VRK3: variants seen among roughly 807,000 people sequenced by gnomAD.
VRK3 encodes VRK serine/threonine kinase 3.
VRK3 carries 50 observed loss-of-function variants against 60.4 expected under a neutral mutation model. That is an observed-to-expected ratio of 0.83 (90% CI 0.66 to 1.05). The LOEUF is 1.05. Among genes scored for constraint, VRK3 ranks in the 50% least tolerant of loss-of-function variants. VRK3 has a pLI of 0.00. For missense variants in VRK3, 549 were observed against 585.3 expected (o/e 0.94, Z 0.64); for synonymous variants, 246 against 227.8 (o/e 1.08, Z -0.72).
chr19:49,980,722 T>TA (rs111476208), intron 13 of VRK3, among the ~76,000 whole-genome samples: 8,175 of 145,432 alleles, frequency 0.056, 694 homozygotes, highest in African/African-American at 0.19. Context: ...GTCTTAAAAA[T>TA]AAAAAAAAAA....
chr19:50,007,950 G>A, intron 4 of VRK3, 124 bp from the exon 5 acceptor site: 1 of 1,359,558 alleles, frequency 7.4e-7, no homozygotes, highest in South Asian at 1.4e-5. Flanking sequence ...CATTTCCTGG[G>A]ACCTTCTATG....
chr19:49,988,250 A>C (rs2076550957), intron 12 of VRK3, 122 bp downstream of exon 12: 1 of 1,440,958 alleles, frequency 6.9e-7, no homozygotes, highest in Middle Eastern at 2.1e-4. Flanking sequence ...GGCTCAGAGG[A>C]CTTGGGCTCT....
intron 12 of VRK3, chr19:49,981,228 G>A (rs942798810): frequency 1.0e-5 from 6 of 590,206 alleles, no homozygotes; most frequent in Non-Finnish European, 1.5e-5. Flanking sequence ...GCAAGCCTCT[G>A]GCCACACGAT....
chr19:49,993,003 A>G (rs1429778450), intron 9 of VRK3, 51 bp from the exon 10 acceptor site: 1 of 1,528,080 alleles, frequency 6.5e-7, no homozygotes, highest in East Asian at 2.3e-5. Context: ...ACTAACACAG[A>G]GAGGCTATGG....
At chr19:49,988,532 C>T (rs201447383) in intron 11 of VRK3, 40 bp from the exon 12 acceptor site, 78 of 1,602,380 alleles carry the variant, frequency 4.9e-5, no homozygotes, top group East Asian at 6.7e-5. Context: ...CAAGTCTGGA[C>T]GCTCCACTCA....
chr19:49,993,656 T>C (rs554521630), intron 9 of VRK3, among the ~76,000 whole-genome samples: 21 of 152,234 alleles, frequency 1.4e-4, no homozygotes, highest in African/African-American at 4.6e-4. Flanking sequence ...TGCCTCGTCC[T>C]CCCAAAGTGC....
intron 1 of VRK3, among the ~76,000 whole-genome samples, chr19:50,024,577 T>C (rs995939524): frequency 4.7e-4 from 72 of 152,212 alleles, no homozygotes; most frequent in African/African-American, 1.7e-3. Context: ...CTGGGCAGGA[T>C]TTTTGTTTTA....
intron 14 of VRK3, 194 bp downstream of exon 14, chr19:49,978,889 G>A: frequency 2.1e-6 from 1 of 486,108 alleles, no homozygotes; most frequent in Non-Finnish European, 3.5e-6. Flanking sequence ...GCCAAGTTGA[G>A]CCGGGTTTCT....
chr19:50,001,752 C>T (rs769568989), intron 5 of VRK3, among the ~76,000 whole-genome samples: 36 of 143,676 alleles, frequency 2.5e-4, no homozygotes, highest in South Asian at 8.6e-4. Context: ...GGCCAAGAAA[C>T]GCCAGGCTGA....
intron 1 of VRK3, among the ~76,000 whole-genome samples, chr19:50,022,596 G>A (rs1006668067): frequency 6.6e-6 from 1 of 151,828 alleles, no homozygotes; most frequent in African/African-American, 2.4e-5. Context: ...GACCAGCCTG[G>A]ACAACATGGT....
At chr19:49,987,699 G>GTTTTTTTTT (rs2076539833) in intron 12 of VRK3, 1 of 123,946 alleles carries the variant, frequency 8.1e-6, no homozygotes, top group African/African-American at 3.6e-5. Context: ...CACACAATGA[G>GTTTTTTTTT]CTTTTTTTTT....
chr19:49,987,373 C>A (rs567055517), intron 12 of VRK3, among the ~76,000 whole-genome samples: 1 of 152,332 alleles, frequency 6.6e-6, no homozygotes. Flanking sequence ...CACCTTAGTG[C>A]CTCCCTTTTG....
At position 50,000,873 on chromosome 19, in the gene VRK3, G is replaced by C; in HGVS notation, c.548-19C>G. On this transcript the variant is annotated intron_variant, in intron 5 of 14. Transcript: ENST00000316763. ...GGTGCAGCTGTGGGGGAACAAACAAGGGAGTGAGGTTATAACCACGCGGAA... is the reference window on the plus strand; with the variant it reads ...GGTGCAGCTGTGGGGGAACAAACAACGGAGTGAGGTTATAACCACGCGGAA... 9 of 1,612,434 alleles carry C rather than the reference G, an allele frequency of 5.6e-6. No homozygotes were observed. Among genetic ancestry groups the C allele is most frequent in the Non-Finnish European group, 6.8e-6 (8 of 1,179,158 alleles).
intron 7 of VRK3, among the ~76,000 whole-genome samples, chr19:49,996,765 C>T (rs1568790509): frequency 6.6e-6 from 1 of 151,466 alleles, no homozygotes; most frequent in African/African-American, 2.4e-5. Flanking sequence ...TACAGGCACA[C>T]GCCACCACGC....
intron 12 of VRK3, among the ~76,000 whole-genome samples, chr19:49,984,790 C>T (rs946081605): frequency 3.3e-5 from 5 of 152,138 alleles, no homozygotes; most frequent in Non-Finnish European, 7.3e-5. Context: ...TGCCACCACA[C>T]CCGGCTACTT....
chr19:50,015,416 C>G (rs59133073), intron 3 of VRK3, among the ~76,000 whole-genome samples: 18,303 of 152,026 alleles, frequency 0.12, 1,411 homozygotes, highest in East Asian at 0.29. Context: ...TCAAGCAATT[C>G]TCCTGCCTCA....
At chr19:50,017,412 T>C (rs901034602) in intron 2 of VRK3, among the ~76,000 whole-genome samples, 1 of 150,224 alleles carries the variant, frequency 6.7e-6, no homozygotes, top group East Asian at 2.0e-4. Flanking sequence ...CCGTCTCTAC[T>C]AAAAATATAA....
At chr19:50,023,540 A>G (rs1447354508) in intron 1 of VRK3, among the ~76,000 whole-genome samples, 1 of 152,078 alleles carries the variant, frequency 6.6e-6, no homozygotes, top group Non-Finnish European at 1.5e-5. Flanking sequence ...ATTTTTCTTC[A>G]CAGTGCTTGT....
chr19:49,993,253 C>T (rs1366814228), intron 9 of VRK3, among the ~76,000 whole-genome samples: 1 of 152,222 alleles, frequency 6.6e-6, no homozygotes, highest in African/African-American at 2.4e-5. Context: ...GTTAATGTCT[C>T]TCTGCAAAAA....
Sources: gnomAD v4.1 joint callset for allele counts (sites outside exome capture counted in the v4.1 genomes callset) on GRCh38, gnomAD v4.1.1 for gene constraint, MANE v1.5 for transcripts, NCBI Gene and HGNC (gene_info 2026-07-23, HGNC 2026-07-21) for gene names.